PARD3: variants seen among roughly 807,000 people sequenced by gnomAD.
The protein encoded by PARD3 is par-3 family cell polarity regulator, also known as partitioning defective 3 homolog.
Under a neutral mutation model 155.4 loss-of-function variants are expected in PARD3, and 75 were observed. The observed-to-expected ratio is 0.48, with a 90% CI of 0.40 to 0.58. The LOEUF (loss-of-function observed/expected upper bound fraction) is 0.58. Among genes scored for constraint, PARD3 ranks in the 20% least tolerant of loss-of-function variants. The probability of loss-of-function intolerance (pLI) is 0.00; values close to 1 mark genes in which losing one functional copy is unlikely to be tolerated. For missense variants in PARD3, 1,642 were observed against 1,721.7 expected (o/e 0.95, Z 0.82); for synonymous variants, 576 against 610.5 (o/e 0.94, Z 0.83).
In PARD3 at chr10:34,284,086, A is replaced by T. The variant is rs1956276718; in HGVS notation, c.3176+49T>A. Reference sequence around the variant, plus strand: ...AAAAAGAAGAAAGTAGAAAGAAAAAAAAAAAGAACCTCTTTCTAAGGAGGT... The same window carrying T: ...AAAAAGAAGAAAGTAGAAAGAAAAATAAAAAGAACCTCTTTCTAAGGAGGT... On this transcript the variant is annotated intron_variant, in intron 21 of 24. Transcript: ENST00000374788. 3 of 1,053,458 alleles carry T rather than the reference A, an allele frequency of 2.8e-6. No individual in the cohort carries two copies. In the East Asian group the frequency reaches 7.4e-5, roughly 26 times the overall value. The allele number at this position is 1,053,458 out of a possible 1,614,324, so 65.3% of individuals were successfully genotyped here. A position where few individuals can be genotyped will look rare whatever the true frequency, so the allele number is the denominator to read the frequency against.
rs143716628 is a variant in PARD3 at position 34,685,569 on chromosome 10, C to A, written c.222+10749G>T. Among the ~76,000 whole-genome samples the A allele has an allele frequency of 9.5e-4, 143 of 151,304 alleles. No individual in the cohort carries two copies. In the Middle Eastern group the frequency reaches 0.017, roughly 18 times the overall value. On this transcript the variant is annotated intron_variant, in intron 2 of 24. Transcript: ENST00000374788. ...GGCTTAAACATTCTAAGGGAGTTAA[C>A]AACTTAATGCACGTGATTCCCGCAA...
chr10:34,753,122 C>T (rs958591093), intron 1 of PARD3, among the ~76,000 whole-genome samples: 1 of 152,174 alleles, frequency 6.6e-6, no homozygotes, highest in African/African-American at 2.4e-5. Flanking sequence ...CTGAAAAGCA[C>T]CTCGATTCTC....
At chr10:34,606,965 TAAAA>T (rs531578595) in intron 2 of PARD3, among the ~76,000 whole-genome samples, 3 of 114,820 alleles carry the variant, frequency 2.6e-5, no homozygotes, top group African/African-American at 9.8e-5. Flanking sequence ...GACTCTGTCT[TAAAA>T]AAAAAAAAAA....
chr10:34,432,041 CAAAAAAAAAA>C (rs142848273), intron 5 of PARD3, among the ~76,000 whole-genome samples: 73 of 21,594 alleles, frequency 3.4e-3, no homozygotes, highest in African/African-American at 5.8e-3. Flanking sequence ...GACTCTGTCT[CAAAAAAAAAA>C]AAAAAAAAAA....
chr10:34,154,024 T>G (rs1000801078), intron 22 of PARD3, among the ~76,000 whole-genome samples: 6 of 152,222 alleles, frequency 3.9e-5, no homozygotes, highest in African/African-American at 7.2e-5. Context: ...TTATTTAATG[T>G]TAAGGTTCAA....
chr10:34,669,840 T>C (rs1183045566), intron 2 of PARD3, among the ~76,000 whole-genome samples: 2 of 152,186 alleles, frequency 1.3e-5, no homozygotes, highest in Admixed American at 6.5e-5. Flanking sequence ...CAAAAACATA[T>C]TCCAAAAGGA....
At chr10:34,149,011 A>C (rs1410603679) in intron 22 of PARD3, among the ~76,000 whole-genome samples, 1 of 152,222 alleles carries the variant, frequency 6.6e-6, no homozygotes, top group Non-Finnish European at 1.5e-5. Flanking sequence ...ATGTCTAAGA[A>C]GACAGAAAAT....
chr10:34,776,567 T>A (rs77632106), intron 1 of PARD3, among the ~76,000 whole-genome samples: 3 of 151,238 alleles, frequency 2.0e-5, no homozygotes, highest in Non-Finnish European at 4.4e-5. Flanking sequence ...TTTTTTTTTT[T>A]AGTAAGCAGA....
intron 5 of PARD3, among the ~76,000 whole-genome samples, chr10:34,419,972 A>G (rs1253431382): frequency 1.3e-5 from 2 of 152,208 alleles, no homozygotes; most frequent in Non-Finnish European, 2.9e-5. Flanking sequence ...ATTGAGACAG[A>G]GTCTTGCTTA....
At chr10:34,237,410 C>CT (rs1953301610) in intron 22 of PARD3, among the ~76,000 whole-genome samples, 1 of 152,088 alleles carries the variant, frequency 6.6e-6, no homozygotes, top group African/African-American at 2.4e-5. Flanking sequence ...CACAACTATT[C>CT]TTATTTATTT....
intron 22 of PARD3, among the ~76,000 whole-genome samples, chr10:34,261,416 C>T (rs1588972350): frequency 1.3e-5 from 2 of 152,082 alleles, no homozygotes; most frequent in African/African-American, 4.8e-5. Context: ...GGGCTGGGCA[C>T]GGTGGCTCAT....
At chr10:34,521,936 G>C (rs1436795707) in intron 2 of PARD3, among the ~76,000 whole-genome samples, 1 of 152,172 alleles carries the variant, frequency 6.6e-6, no homozygotes, top group African/African-American at 2.4e-5. Context: ...GGTAAATCCA[G>C]TGGCCTCTCT....
At chr10:34,706,181 T>G (rs1038960923) in intron 1 of PARD3, among the ~76,000 whole-genome samples, 6 of 152,206 alleles carry the variant, frequency 3.9e-5, no homozygotes, top group Non-Finnish European at 8.8e-5. Flanking sequence ...AATGCATTCA[T>G]GTGCATTATC....
At chr10:34,772,607 C>T (rs1194773720) in intron 1 of PARD3, among the ~76,000 whole-genome samples, 1 of 151,706 alleles carries the variant, frequency 6.6e-6, no homozygotes, top group African/African-American at 2.4e-5. Flanking sequence ...GCCTGGCCAA[C>T]ATAGAGAAAC....
intron 2 of PARD3, among the ~76,000 whole-genome samples, chr10:34,681,730 T>TTTTATATATA (rs1344348436): frequency 2.7e-4 from 8 of 29,976 alleles, no homozygotes; most frequent in South Asian, 1.4e-3. Flanking sequence ...CGTATGTATT[T>TTTTATATATA]TATATATATA....
intron 9 of PARD3, among the ~76,000 whole-genome samples, chr10:34,379,720 A>G (rs1841632404): frequency 1.3e-5 from 2 of 152,242 alleles, no homozygotes; most frequent in South Asian, 4.1e-4. Flanking sequence ...AAAGCCAACA[A>G]AACATTCTGC....
At chr10:34,657,683 C>A (rs906981856) in intron 2 of PARD3, among the ~76,000 whole-genome samples, 8 of 152,114 alleles carry the variant, frequency 5.3e-5, no homozygotes, top group African/African-American at 1.7e-4. Context: ...GGATTACAGG[C>A]ACACGCCACC....
intron 1 of PARD3, among the ~76,000 whole-genome samples, chr10:34,803,700 G>A (rs1843050889): frequency 6.6e-6 from 1 of 152,064 alleles, no homozygotes; most frequent in South Asian, 2.1e-4. Context: ...CTACTTGGGA[G>A]GCTGAGGTTG....
At chr10:34,272,500 G>A (rs1352432028) in intron 21 of PARD3, among the ~76,000 whole-genome samples, 2 of 152,044 alleles carry the variant, frequency 1.3e-5, no homozygotes, top group Admixed American at 1.3e-4. Context: ...GAGGCTGATG[G>A]GGGCGTGCTG....
Sources: gnomAD v4.1 joint callset for allele counts (sites outside exome capture counted in the v4.1 genomes callset) on GRCh38, gnomAD v4.1.1 for gene constraint, MANE v1.5 for transcripts, NCBI Gene and HGNC (gene_info 2026-07-23, HGNC 2026-07-21) for gene names.